The following MOK variants were observed in gnomAD, a reference collection of about 807,000 sequenced individuals.
The protein encoded by MOK is MAPK/MAK/MRK overlapping kinase.
Under a neutral mutation model 54.2 loss-of-function variants are expected in MOK, and 59 were observed. The observed-to-expected ratio is 1.09, with a 90% CI of 0.88 to 1.35. The LOEUF (loss-of-function observed/expected upper bound fraction) is 1.35, where lower values mean the gene tolerates loss of function less well. Among genes scored for constraint, MOK ranks in the 40% most tolerant of loss-of-function variants. The pLI is 0.00. For synonymous variants in MOK, 210 were observed against 202.7 expected (o/e 1.04, Z -0.31); for missense variants, 517 against 526.2 (o/e 0.98, Z 0.17).
At position 102,235,932 on chromosome 14, in the gene MOK, G is replaced by A. The variant is rs963183792; in HGVS notation, c.591-2143C>T. On this transcript the variant is annotated intron_variant, in intron 7 of 11. Transcript: ENST00000361847. This position sits in a 1 kb window ranked among gnomAD's most constrained non-coding sequence, Gnocchi z 4.4. ...GTGCTAAATACCAGCTTCTAGCAGCGGCTGTCCATCAACCCAGCCGTATCA... is the reference window on the plus strand; with the variant it reads ...GTGCTAAATACCAGCTTCTAGCAGCAGCTGTCCATCAACCCAGCCGTATCA... Among the ~76,000 whole-genome samples, 1 of 152,094 alleles carries A rather than the reference G, an allele frequency of 6.6e-6. No homozygotes were observed. Among genetic ancestry groups the A allele is most frequent in the South Asian group, 2.1e-4 (1 of 4,824 alleles).
At chr14:102,256,231 G>A (rs929081409) in intron 4 of MOK, among the ~76,000 whole-genome samples, 2 of 151,852 alleles carry the variant, frequency 1.3e-5, no homozygotes, top group African/African-American at 4.8e-5. Context: ...TGAGTAGTTG[G>A]GTCTACAGGC....
chr14:102,214,625 ATTG>A, the MOK span: 9 of 985,004 alleles, frequency 9.1e-6, no homozygotes, highest in Middle Eastern at 1.0e-3. Flanking sequence ...TTTATTAGAG[ATTG>A]TTATGTTAGG....
At chr14:102,253,037 A>G (rs1044934260) in intron 4 of MOK, among the ~76,000 whole-genome samples, 3 of 152,262 alleles carry the variant, frequency 2.0e-5, no homozygotes, top group African/African-American at 7.2e-5. Flanking sequence ...TATCAGCTGC[A>G]TAGTGACTCT....
chr14:102,219,780 C>CA (rs1356529227), downstream of MOK, among the ~76,000 whole-genome samples: 1 of 152,220 alleles, frequency 6.6e-6, no homozygotes, highest in Non-Finnish European at 1.5e-5. Context: ...CCAGGGCTGC[C>CA]ATCAAAAGGG....
chr14:102,233,837 C>T, intron 7 of MOK, 48 bp from the exon 8 acceptor site: 1 of 1,384,754 alleles, frequency 7.2e-7, no homozygotes, highest in Non-Finnish European at 1.0e-6. Context: ...GCAGAGCCAA[C>T]AGACCTCACC....
chr14:102,285,082 CAAA>C (rs34015643), intron 1 of MOK, among the ~76,000 whole-genome samples: 7 of 65,982 alleles, frequency 1.1e-4, no homozygotes, highest in East Asian at 5.6e-4. Flanking sequence ...GATGTCATCT[CAAA>C]AAAAAAAAAA....
chr14:102,229,648 G>A lies in MOK; in HGVS notation c.991C>T (p.Leu331=), dbSNP rs150996261. ...SKEGRKQKQS[L]KQEEDRPKRR... is the part of the protein sequence containing the mutation. ...TTGGGACGGTCCTCCTCTTGCTTTA[G>A]GGACTGTTTCTTGAAACAGAACAGA... Residue 331 remains leucine, a synonymous_variant, in exon 11 of 12, where the codon CTA becomes TTA. Coordinates refer to ENST00000361847, the MANE Select transcript of MOK (RefSeq NM_014226.3). 1.9e-6 allele frequency: 3 copies of A among 1,608,356 alleles called. No homozygotes were observed. Among genetic ancestry groups the A allele is most frequent in the Non-Finnish European group, 2.5e-6 (3 of 1,176,582 alleles).
chr14:102,252,004 T>C lies in MOK; in HGVS notation c.284-9A>G. 6.6e-7 allele frequency: 1 copy of C among 1,515,626 alleles called. No individual in the cohort carries two copies. The highest frequency in any genetic ancestry group is 9.1e-7 in the Non-Finnish European group (1 of 1,095,566). The allele number at this position is 1,515,626 out of a possible 1,614,324, so 93.9% of individuals were successfully genotyped here. A position where few individuals can be genotyped will look rare whatever the true frequency, so the allele number is the denominator to read the frequency against. On this transcript the variant is annotated splice_polypyrimidine_tract_variant and intron_variant, in intron 4 of 11. Transcript: ENST00000361847. The stretch of plus-strand genomic sequence containing the variant: ...TAATGGGTATCTTCTCCCTGTACAA[T>C]CAAGGAAATAGGCAAATACGGTTAC...
chr14:102,226,353 G>A (rs2064240620), downstream of MOK: 2 of 703,204 alleles, frequency 2.8e-6, no homozygotes, highest in Middle Eastern at 2.3e-4. This position sits in a 1 kb window ranked among gnomAD's most constrained non-coding sequence, Gnocchi z 4.8. Flanking sequence ...AGGGATGAAC[G>A]TGTTTGAATG....
At chr14:102,298,616 G>A (rs1160686447) in intron 1 of MOK, among the ~76,000 whole-genome samples, 2 of 148,774 alleles carry the variant, frequency 1.3e-5, no homozygotes, top group African/African-American at 5.2e-5. Flanking sequence ...CTGTAAAACA[G>A]ACCAATTGGC....
At chr14:102,265,673 C>G in intron 3 of MOK, 150 bp downstream of exon 3, 1 of 591,274 alleles carries the variant, frequency 1.7e-6, no homozygotes, top group East Asian at 2.9e-5. Flanking sequence ...GCACATTTTT[C>G]CAAATAAAAA....
chr14:102,246,081 T>C (rs2066068725), intron 7 of MOK: 1 of 152,386 alleles, frequency 6.6e-6, no homozygotes, highest in South Asian at 2.1e-4. Flanking sequence ...TGGGATTATA[T>C]AGTGTAACTC....
intron 2 of MOK, chr14:102,278,484 G>A (rs553289159): frequency 3.4e-4 from 88 of 258,678 alleles, no homozygotes; most frequent in Middle Eastern, 1.5e-3. Flanking sequence ...AAAGTAATTT[G>A]AGGACTGCTT....
At chr14:102,277,803 C>T (rs757165349) in intron 2 of MOK, among the ~76,000 whole-genome samples, 1 of 152,102 alleles carries the variant, frequency 6.6e-6, no homozygotes. Context: ...CTTGATTACA[C>T]GAGAATATCC....
chr14:102,253,362 A>G (rs78820569), intron 4 of MOK, among the ~76,000 whole-genome samples: 6,416 of 152,342 alleles, frequency 0.042, 151 homozygotes, highest in Middle Eastern at 0.065. Flanking sequence ...TCACACAAGT[A>G]GCATGGTCTG....
chr14:102,301,360 A>C (rs950510444), intron 1 of MOK, among the ~76,000 whole-genome samples: 1 of 152,216 alleles, frequency 6.6e-6, no homozygotes, highest in African/African-American at 2.4e-5. Flanking sequence ...GCTCTTATCA[A>C]CTGCACTGTG....
At chr14:102,280,130 T>C (rs1180586052) in intron 2 of MOK, among the ~76,000 whole-genome samples, 1 of 151,886 alleles carries the variant, frequency 6.6e-6, no homozygotes. Flanking sequence ...TTCCTGGTGG[T>C]GAGGTACATC....
At chr14:102,296,292 A>G (rs1451411593) in intron 1 of MOK, among the ~76,000 whole-genome samples, 1 of 151,618 alleles carries the variant, frequency 6.6e-6, no homozygotes, top group Non-Finnish European at 1.5e-5. Context: ...AAAAAAAACT[A>G]TGTTCAAGCA....
chr14:102,227,996 T>C (rs2064323645), downstream of MOK, among the ~76,000 whole-genome samples: 1 of 152,210 alleles, frequency 6.6e-6, no homozygotes, highest in Non-Finnish European at 1.5e-5. Context: ...GAAGACCCAA[T>C]TACTAAGTTA....
Sources: gnomAD v4.1 joint callset for allele counts (sites outside exome capture counted in the v4.1 genomes callset) on GRCh38, gnomAD v4.1.1 for gene constraint, Gnocchi (gnomAD v3.1) non-coding constraint, MANE v1.5 for transcripts, NCBI Gene and HGNC (gene_info 2026-07-23, HGNC 2026-07-21) for gene names.